The following SDC2 variants were observed in gnomAD, a reference collection of about 807,000 sequenced individuals.
The protein encoded by SDC2 is syndecan-2.
Under a neutral mutation model 22.2 loss-of-function variants are expected in SDC2, and 13 were observed. The observed-to-expected ratio is 0.59, with a 90% CI of 0.38 to 0.93. The LOEUF (loss-of-function observed/expected upper bound fraction) is 0.93. Among genes scored for constraint, SDC2 ranks in the 40% least tolerant of loss-of-function variants. The pLI is 0.00. For synonymous variants in SDC2, 94 were observed against 92.8 expected, an observed-to-expected ratio of 1.01 and a Z score of -0.07; for missense variants, 235 against 246.8, an observed-to-expected ratio of 0.95 and a Z score of 0.32.
At chr8:96,498,787 G>A (rs1295672391) in intron 1 of SDC2, among the ~76,000 whole-genome samples, 1 of 152,124 alleles carries the variant, frequency 6.6e-6, no homozygotes, top group Admixed American at 6.5e-5. Flanking sequence ...ACTATGCCTG[G>A]CCATTGGTCT....
chr8:96,515,169 C>G (rs1188047985), intron 1 of SDC2, among the ~76,000 whole-genome samples: 3 of 152,192 alleles, frequency 2.0e-5, no homozygotes, highest in Non-Finnish European at 4.4e-5. Context: ...GTCAAACCTT[C>G]AATAGTTCTA....
intron 1 of SDC2, among the ~76,000 whole-genome samples, chr8:96,559,285 G>A (rs1274344850): frequency 6.6e-6 from 1 of 152,140 alleles, no homozygotes; most frequent in Non-Finnish European, 1.5e-5. Context: ...AACAGTGAGA[G>A]GAGAAAGGAA....
At chr8:96,599,990 T>C (rs1008560918) in intron 2 of SDC2, among the ~76,000 whole-genome samples, 1 of 151,854 alleles carries the variant, frequency 6.6e-6, no homozygotes, top group Non-Finnish European at 1.5e-5. Flanking sequence ...CAAAAAATAA[T>C]AATAATTTTT....
chr8:96,583,206 C>T lies in SDC2; in HGVS notation c.61-10274C>T, dbSNP rs78241832. ...AGCTCAAGCAGTTCTCCAGCCTTGGCCTCCCAAAGTGCTGGGATTACAAGC... is the reference window on the plus strand; with the variant it reads ...AGCTCAAGCAGTTCTCCAGCCTTGGTCTCCCAAAGTGCTGGGATTACAAGC... On this transcript the variant is annotated intron_variant, in intron 1 of 4. Transcript: ENST00000302190. Among the ~76,000 whole-genome samples the T allele has an allele frequency of 2.0e-3, 291 of 147,990 alleles. 6 individuals carry two copies. In the East Asian group the frequency reaches 0.053, roughly 27 times the overall value.
At chr8:96,565,670 G>A (rs779834985) in intron 1 of SDC2, among the ~76,000 whole-genome samples, 1 of 151,988 alleles carries the variant, frequency 6.6e-6, no homozygotes, top group South Asian at 2.1e-4. Context: ...AGTTTTCCCC[G>A]ACTCCAGTCA....
chr8:96,531,829 A>ATT lies in SDC2; in HGVS notation c.60+37500_60+37501dup, dbSNP rs973393783. Among the ~76,000 whole-genome samples the ATT allele has an allele frequency of 6.6e-5, 10 of 152,300 alleles. No individual in the cohort carries two copies. In the East Asian group the frequency reaches 1.2e-3, roughly 18 times the overall value. On this transcript the variant is annotated intron_variant, in intron 1 of 4. Coordinates refer to ENST00000302190, the MANE Select transcript of SDC2 (RefSeq NM_002998.4). ...GAGGGCTTGGTTCAGCCTTACATAT[A>ATT]TTTATGTGTGTGTCAACCAAGATGT...
chr8:96,541,563 G>A (rs550561087), intron 1 of SDC2, among the ~76,000 whole-genome samples: 6 of 148,806 alleles, frequency 4.0e-5, no homozygotes, highest in Admixed American at 2.0e-4. Flanking sequence ...CTTTGAGGAC[G>A]TTATACTAAG....
At chr8:96,541,034 C>T (rs2130512085) in intron 1 of SDC2, among the ~76,000 whole-genome samples, 1 of 150,348 alleles carries the variant, frequency 6.7e-6, no homozygotes. Context: ...CTTTCAGTCT[C>T]TGAAGTATAG....
At chr8:96,503,121 A>G (rs572345763) in intron 1 of SDC2, among the ~76,000 whole-genome samples, 1 of 152,370 alleles carries the variant, frequency 6.6e-6, no homozygotes, top group South Asian at 2.1e-4. Flanking sequence ...TTTCTGGCTG[A>G]TGAAAGGTTC....
chr8:96,607,890 C>G (rs1035365555), intron 3 of SDC2, among the ~76,000 whole-genome samples: 4 of 152,068 alleles, frequency 2.6e-5, no homozygotes, highest in Non-Finnish European at 5.9e-5. Context: ...AAAGCCCAGT[C>G]AGGCGTGAGA....
chr8:96,549,886 A>G (rs1025026681), intron 1 of SDC2, among the ~76,000 whole-genome samples: 2 of 152,182 alleles, frequency 1.3e-5, no homozygotes, highest in Non-Finnish European at 2.9e-5. Context: ...TTTTTGGCTA[A>G]GAGTAGAGTT....
rs548532271 is a variant in SDC2, at chr8:96,511,789, ATTT to A, written c.60+17474_60+17476del. On this transcript the variant is annotated intron_variant, in intron 1 of 4. Coordinates refer to ENST00000302190, the MANE Select transcript of SDC2 (RefSeq NM_002998.4). ...CTGGCTGCATCAAGAGGCTTATGTG[ATTT>A]TTTTTTTTTTTTTTTAATCAGCCTC... Among the ~76,000 whole-genome samples the A allele has an allele frequency of 4.0e-3, 549 of 138,944 alleles. 4 individuals carry two copies. The highest frequency in any genetic ancestry group is 0.013 in the African/African-American group (501 of 39,088). The allele number at this position is 138,944 out of a possible 152,430, so 91.2% of individuals were successfully genotyped here.
intron 1 of SDC2, among the ~76,000 whole-genome samples, chr8:96,509,633 A>T (rs1469659376): frequency 1.0e-5 from 1 of 96,486 alleles, no homozygotes; most frequent in Non-Finnish European, 2.8e-5. Context: ...ATTAAATCAA[A>T]ATCTATGTGG....
At chr8:96,510,296 C>T (rs1025808130) in intron 1 of SDC2, among the ~76,000 whole-genome samples, 3 of 152,106 alleles carry the variant, frequency 2.0e-5, no homozygotes, top group Admixed American at 2.0e-4. Context: ...GCAATTTGGA[C>T]CTGGTTCAAG....
At chr8:96,566,977 C>T (rs1814310284) in intron 1 of SDC2, among the ~76,000 whole-genome samples, 1 of 152,168 alleles carries the variant, frequency 6.6e-6, no homozygotes, top group Non-Finnish European at 1.5e-5. Flanking sequence ...CCTCAGCCTC[C>T]CAGGTAGCTG....
chr8:96,590,246 G>T (rs1334652373), intron 1 of SDC2, among the ~76,000 whole-genome samples: 1 of 152,128 alleles, frequency 6.6e-6, no homozygotes. Context: ...AACAGTATTG[G>T]CACTGCCTCA....
At chr8:96,494,414 C>A in intron 1 of SDC2, 83 bp downstream of exon 1, 1 of 1,359,692 alleles carries the variant, frequency 7.4e-7, no homozygotes, top group South Asian at 1.3e-5. Context: ...AGGGGAGCGC[C>A]ACCTGGGGAA....
rs1045709117 is a variant in SDC2 at position 96,608,252 on chromosome 8, T to A, written c.307-83T>A. 3.2e-5 allele frequency: 43 copies of A among 1,364,656 alleles called. No individual in the cohort carries two copies. In the South Asian group the frequency reaches 4.6e-4, roughly 15 times the overall value. 84.5% of individuals were successfully genotyped at this position (1,364,656 alleles called of 1,614,324 possible). A position where few individuals can be genotyped will look rare whatever the true frequency, so the allele number is the denominator to read the frequency against. On this transcript the variant is annotated intron_variant, in intron 3 of 4. Transcript: ENST00000302190. ...ACTCATTCTTTGGGGGAAAAAAAAA[T>A]TTTGGAATATACTCATCTATTATTT...
chr8:96,578,361 C>T (rs1404080476), intron 1 of SDC2, among the ~76,000 whole-genome samples: 1 of 152,122 alleles, frequency 6.6e-6, no homozygotes, highest in Non-Finnish European at 1.5e-5. Flanking sequence ...AATTCAGTAC[C>T]TTGGTTGTAC....
Sources: gnomAD v4.1 joint callset for allele counts (sites outside exome capture counted in the v4.1 genomes callset) on GRCh38, gnomAD v4.1.1 for gene constraint, MANE v1.5 for transcripts, NCBI Gene and HGNC (gene_info 2026-07-23, HGNC 2026-07-21) for gene names.